SLC8A1: variants seen among roughly 807,000 people sequenced by gnomAD.
SLC8A1 encodes sodium/calcium exchanger 1.
A neutral mutation model predicts 68.3 loss-of-function variants in SLC8A1; 18 were observed. That is an observed-to-expected ratio of 0.26 (90% CI 0.18 to 0.39). SLC8A1 has a LOEUF of 0.39. SLC8A1 is among the 10% of genes least tolerant of loss of function. The pLI, the probability that SLC8A1 is intolerant of heterozygous loss-of-function variation, is 1.00. For missense variants in SLC8A1, 985 were observed against 1,156.7 expected, an observed-to-expected ratio of 0.85 and a Z score of 2.15; for synonymous variants, 475 against 415.5, an observed-to-expected ratio of 1.14 and a Z score of -1.74.
intron 1 of SLC8A1, among the ~76,000 whole-genome samples, chr2:40,471,269 T>A (rs1179906342): frequency 3.3e-5 from 5 of 151,878 alleles, no homozygotes; most frequent in South Asian, 2.1e-4. Flanking sequence ...GGACCCAGGG[T>A]TTTTTTACTG....
chr2:40,107,604 C>A (rs558481552), exon 8 of SLC8A1: 4 of 152,160 alleles, frequency 2.6e-5, no homozygotes, highest in Non-Finnish European at 5.9e-5. Context: ...TATTCTAAGC[C>A]CTTTTCAAAC....
chr2:40,242,716 G>C (rs1422873966), intron 2 of SLC8A1, among the ~76,000 whole-genome samples: 1 of 151,972 alleles, frequency 6.6e-6, no homozygotes, highest in Non-Finnish European at 1.5e-5. Flanking sequence ...TTTAAAATAT[G>C]GTATCTATAA....
chr2:40,265,861 A>G (rs1474987168), intron 2 of SLC8A1, among the ~76,000 whole-genome samples: 1 of 152,182 alleles, frequency 6.6e-6, no homozygotes, highest in African/African-American at 2.4e-5. Flanking sequence ...GCATAAAGAA[A>G]AAAAAAATCT....
chr2:40,389,551 C>G (rs1399056395), intron 2 of SLC8A1, among the ~76,000 whole-genome samples: 1 of 151,860 alleles, frequency 6.6e-6, no homozygotes, highest in Admixed American at 6.6e-5. Flanking sequence ...TACCAAAAAT[C>G]CCAAGTCTAC....
intron 2 of SLC8A1, among the ~76,000 whole-genome samples, chr2:40,424,698 A>C (rs1211558601): frequency 2.6e-5 from 4 of 151,868 alleles, no homozygotes; most frequent in Non-Finnish European, 5.9e-5. Flanking sequence ...TATTCTAAGG[A>C]GTATATTAAG....
intron 2 of SLC8A1, among the ~76,000 whole-genome samples, chr2:40,182,063 T>A (rs980431246): frequency 6.6e-6 from 1 of 152,234 alleles, no homozygotes; most frequent in East Asian, 1.9e-4. Flanking sequence ...TCCACAGGAC[T>A]TTTGCACTGT....
chr2:40,177,843 G>A lies in SLC8A1; in HGVS notation c.1821C>T (p.Thr607=), dbSNP rs2048748234. Residue 607 remains threonine, a synonymous_variant, in exon 3 of 8, where the codon ACC becomes ACT. Transcript: ENST00000406785. The stretch of plus-strand genomic sequence containing the variant: ...ATTCCTCACGGTCAAATATTCTAAT[G>A]GTAATGATCTTCCTGTGGGAACACA... 2.6e-6 allele frequency: 4 copies of A among 1,549,762 alleles called. No individual in the cohort carries two copies. In the South Asian group the frequency reaches 3.6e-5, roughly 14 times the overall value.
At chr2:40,279,158 G>A (rs1347276215) in intron 2 of SLC8A1, among the ~76,000 whole-genome samples, 1 of 152,170 alleles carries the variant, frequency 6.6e-6, no homozygotes, top group Non-Finnish European at 1.5e-5. Context: ...GTCTCTTTGT[G>A]CCCAAGACCA....
At chr2:40,175,192 G>A (rs2148541900) in intron 3 of SLC8A1, 69 bp downstream of exon 4, 1 of 1,461,008 alleles carries the variant, frequency 6.8e-7, no homozygotes, top group Middle Eastern at 1.7e-4. Flanking sequence ...CAGAGCTACT[G>A]TATCACCTGA....
chr2:40,170,338 A>G, intron 4 of SLC8A1: 1 of 1,614,104 alleles, frequency 6.2e-7, no homozygotes, highest in South Asian at 1.1e-5. Context: ...ACCTTCCTGA[A>G]GACAGGTTGG....
Position 40,257,132 on chromosome 2 carries a change from G to A in SLC8A1, c.1809-79277C>T, listed in dbSNP as rs1036658792. Among the ~76,000 whole-genome samples, 5 of 151,736 alleles carry A rather than the reference G, an allele frequency of 3.3e-5. No homozygotes were observed. In the East Asian group the frequency reaches 5.8e-4, roughly 18 times the overall value. On this transcript the variant is annotated intron_variant, in intron 2 of 7. Coordinates refer to ENST00000406785, the Ensembl canonical transcript of SLC8A1. The stretch of plus-strand genomic sequence containing the variant: ...ATTCTCAGCCTGAATCTAAATATAC[G>A]GTCTACTACAATCTTTTTAATTGGG...
At chr2:40,113,097 T>C (rs1396956823) in exon 8 of SLC8A1, 1 of 152,294 alleles carries the variant, frequency 6.6e-6, no homozygotes, top group Non-Finnish European at 1.5e-5. Flanking sequence ...TAGACTGTTT[T>C]GTTCATGGCT....
chr2:40,277,229 G>GTTTTT lies in SLC8A1; in HGVS notation c.1809-99379_1809-99375dup, dbSNP rs201739617. Among the ~76,000 whole-genome samples the GTTTTT allele has an allele frequency of 1.1e-3, 158 of 149,630 alleles. 1 individual carries two copies. Among genetic ancestry groups the GTTTTT allele is most frequent in the East Asian group, 4.1e-3 (21 of 5,100 alleles). ...CAAGTTACTTGCCCTCTCTATGCCT[G>GTTTTT]TTTTTTTTTTATTTTTAAAACAGAG... is the stretch of plus-strand genomic sequence containing the variant. On this transcript the variant is annotated intron_variant, in intron 2 of 7. Transcript: ENST00000406785.
intron 1 of SLC8A1, among the ~76,000 whole-genome samples, chr2:40,451,419 G>A (rs1702458906): frequency 6.6e-6 from 1 of 152,166 alleles, no homozygotes; most frequent in Non-Finnish European, 1.5e-5. Context: ...GAAAACAGGG[G>A]GCTCGGAAAT....
chr2:40,144,895 ATCATC>A (rs1252165198), intron 6 of SLC8A1, among the ~76,000 whole-genome samples: 1 of 152,164 alleles, frequency 6.6e-6, no homozygotes, highest in Non-Finnish European at 1.5e-5. Context: ...ATTAACATCT[ATCATC>A]TCATCTAGTT....
upstream of SLC8A1, among the ~76,000 whole-genome samples, chr2:40,455,013 T>C (rs6544340): frequency 0.48 from 72,940 of 152,032 alleles, 18,399 homozygotes; most frequent in Middle Eastern, 0.55. Flanking sequence ...TTCTTTCCTC[T>C]GGACTTGGAA....
intron 2 of SLC8A1, among the ~76,000 whole-genome samples, chr2:40,349,848 A>C (rs1670511328): frequency 6.6e-6 from 1 of 152,180 alleles, no homozygotes; most frequent in South Asian, 2.1e-4. Flanking sequence ...AAAAGCTTGA[A>C]GAAAGACAAA....
chr2:40,127,107 G>A (rs1032222372), intron 7 of SLC8A1, among the ~76,000 whole-genome samples: 2 of 152,196 alleles, frequency 1.3e-5, no homozygotes, highest in Non-Finnish European at 2.9e-5. Context: ...CATTGCTTCA[G>A]AGACTCAGTT....
At chr2:40,371,079 G>T (rs1677880846) in intron 2 of SLC8A1, among the ~76,000 whole-genome samples, 2 of 152,018 alleles carry the variant, frequency 1.3e-5, no homozygotes, top group South Asian at 4.1e-4. Flanking sequence ...AAAACTAGAA[G>T]GGATCTTTTC....
Sources: gnomAD v4.1 joint callset for allele counts (sites outside exome capture counted in the v4.1 genomes callset) on GRCh38, gnomAD v4.1.1 for gene constraint, MANE v1.5 for transcripts, NCBI Gene and HGNC (gene_info 2026-07-23, HGNC 2026-07-21) for gene names.